Variants in RBFOX1 observed in about 807,000 individuals in gnomAD.
The protein encoded by RBFOX1 is RNA binding protein fox-1 homolog 1.
Under a neutral mutation model 57.7 loss-of-function variants are expected in RBFOX1, and 8 were observed. That is an observed-to-expected ratio of 0.14 (90% confidence interval 0.08 to 0.25). The LOEUF (loss-of-function observed/expected upper bound fraction) is 0.25. RBFOX1 is among the 10% of genes least tolerant of loss of function. The pLI is 1.00. For synonymous variants in RBFOX1, 326 were observed against 222.4 expected (o/e 1.47, Z -4.15); for missense variants, 611 against 548.5 (o/e 1.11, Z -1.14).
intron 3 of RBFOX1, among the ~76,000 whole-genome samples, chr16:5,689,632 T>A (rs2050607628): frequency 6.6e-6 from 1 of 152,158 alleles, no homozygotes; most frequent in Admixed American, 6.5e-5. Context: ...ACAAAGCATT[T>A]CTTAGGGAAT....
At chr16:6,561,016 C>T (rs540832234) in intron 2 of RBFOX1, among the ~76,000 whole-genome samples, 9 of 152,200 alleles carry the variant, frequency 5.9e-5, no homozygotes, top group East Asian at 1.9e-4. Flanking sequence ...CAACTTCAAA[C>T]GCACCCTCCA....
At chr16:7,166,484 G>C (rs2079533533) in intron 4 of RBFOX1, among the ~76,000 whole-genome samples, 1 of 152,050 alleles carries the variant, frequency 6.6e-6, no homozygotes, top group African/African-American at 2.4e-5. Context: ...GAACAGGGTG[G>C]GTAGGAAGAT....
At chr16:5,466,842 C>A (rs192399900) in intron 1 of RBFOX1, among the ~76,000 whole-genome samples, 79 of 152,290 alleles carry the variant, frequency 5.2e-4, no homozygotes, top group African/African-American at 1.6e-3. Flanking sequence ...TCTCAGTGCT[C>A]CTTGATTCCT....
intron 3 of RBFOX1, among the ~76,000 whole-genome samples, chr16:6,688,803 A>G (rs1173741483): frequency 6.6e-6 from 1 of 151,980 alleles, no homozygotes; most frequent in Non-Finnish European, 1.5e-5. Flanking sequence ...CCACCTCCCG[A>G]CAGGCCCTGG....
intron 2 of RBFOX1, among the ~76,000 whole-genome samples, chr16:5,590,127 C>G (rs1462928986): frequency 6.6e-6 from 1 of 152,106 alleles, no homozygotes; most frequent in African/African-American, 2.4e-5. Flanking sequence ...AAATTGATTT[C>G]TTTATTTTAT....
intron 2 of RBFOX1, among the ~76,000 whole-genome samples, chr16:6,458,500 T>C (rs1220686452): frequency 1.3e-5 from 2 of 152,216 alleles, no homozygotes; most frequent in African/African-American, 4.8e-5. Flanking sequence ...GCTAAATAAG[T>C]TGCTTATTAT....
intron 10 of RBFOX1, among the ~76,000 whole-genome samples, chr16:7,610,426 C>G (rs1454799359): frequency 1.3e-5 from 2 of 151,700 alleles, no homozygotes; most frequent in African/African-American, 4.8e-5. Context: ...TCGACTGTCT[C>G]CTATGATCAT....
intron 4 of RBFOX1, among the ~76,000 whole-genome samples, chr16:7,098,368 C>T (rs2062051590): frequency 6.6e-6 from 1 of 152,124 alleles, no homozygotes; most frequent in Non-Finnish European, 1.5e-5. Flanking sequence ...TGGGGTTTCG[C>T]CATTTTAGCC....
chr16:5,545,875 T>C (rs2045177145), intron 2 of RBFOX1, among the ~76,000 whole-genome samples: 1 of 152,072 alleles, frequency 6.6e-6, no homozygotes, highest in African/African-American at 2.4e-5. Flanking sequence ...AAGTAAAGGA[T>C]AAAATAGATG....
chr16:6,888,352 G>C (rs955598524), intron 3 of RBFOX1, among the ~76,000 whole-genome samples: 15 of 152,156 alleles, frequency 9.9e-5, no homozygotes, highest in African/African-American at 2.7e-4. Flanking sequence ...GAAGCTGTTT[G>C]AAAACTTTTT....
In RBFOX1 at chr16:6,005,255, A is replaced by G. The variant is rs549176564; in HGVS notation, c.351+137920A>G. Among the ~76,000 whole-genome samples, 12 of 152,324 alleles carry G rather than the reference A, an allele frequency of 7.9e-5. 1 individual carries two copies. In the South Asian group the frequency reaches 2.1e-3, roughly 26 times the overall value. On this transcript the variant is annotated intron_variant, in intron 4 of 19. Transcript: ENST00000641259. ...CCTGCAGCTGAAATTTTCTAATACAATAGCCATTTAAGGAATGATCACACC... is the reference window on the plus strand; with the variant it reads ...CCTGCAGCTGAAATTTTCTAATACAGTAGCCATTTAAGGAATGATCACACC...
At chr16:6,656,254 G>A (rs76957604) in intron 3 of RBFOX1, among the ~76,000 whole-genome samples, 1,574 of 152,258 alleles carry the variant, frequency 0.01, 43 homozygotes, top group East Asian at 0.083. Flanking sequence ...AAGGTCATTG[G>A]CATTTCTCTT....
chr16:5,557,886 C>T lies in RBFOX1; in HGVS notation c.259-41016C>T, dbSNP rs111888427. On this transcript the variant is annotated intron_variant, in intron 2 of 2. Transcript: ENST00000585867. Reference sequence around the variant, plus strand: ...AAACTCAAGACCTTAGTGGCCACACCGACAAACAGCTGAAGGTCAGAACCA... The same window carrying T: ...AAACTCAAGACCTTAGTGGCCACACTGACAAACAGCTGAAGGTCAGAACCA... Among the ~76,000 whole-genome samples, 9 of 152,286 alleles carry T rather than the reference C, an allele frequency of 5.9e-5. 1 individual carries two copies. The highest frequency in any genetic ancestry group is 1.4e-4 in the African/African-American group (6 of 41,570).
chr16:5,497,322 T>A (rs1027857571), intron 2 of RBFOX1, among the ~76,000 whole-genome samples: 1 of 152,090 alleles, frequency 6.6e-6, no homozygotes, highest in Non-Finnish European at 1.5e-5. Context: ...TGTGAAGTTC[T>A]CGGTGAATCG....
intron 10 of RBFOX1, among the ~76,000 whole-genome samples, chr16:7,615,670 G>T (rs1266453994): frequency 6.6e-6 from 1 of 152,000 alleles, no homozygotes; most frequent in Non-Finnish European, 1.5e-5. Flanking sequence ...TCTCTTAGGG[G>T]AATTTGGCAA....
At chr16:5,554,973 G>A (rs1174289576) in intron 2 of RBFOX1, among the ~76,000 whole-genome samples, 2 of 152,208 alleles carry the variant, frequency 1.3e-5, no homozygotes, top group African/African-American at 4.8e-5. Flanking sequence ...CTTGAATGGT[G>A]TTAGTCATAG....
At chr16:6,243,253 A>T (rs1264603856) in intron 1 of RBFOX1, among the ~76,000 whole-genome samples, 3 of 151,502 alleles carry the variant, frequency 2.0e-5, no homozygotes, top group African/African-American at 4.9e-5. Context: ...TTTCATTTCC[A>T]CTCTACATCT....
chr16:5,332,749 G>T (rs1017664062), intron 1 of RBFOX1, among the ~76,000 whole-genome samples: 1 of 151,070 alleles, frequency 6.6e-6, no homozygotes, highest in Non-Finnish European at 1.5e-5. Flanking sequence ...TGTAACAAGA[G>T]AAATCAAAGA....
chr16:7,550,987 A>C (rs372244024), intron 5 of RBFOX1, among the ~76,000 whole-genome samples: 2 of 150,448 alleles, frequency 1.3e-5, no homozygotes, highest in East Asian at 4.1e-4. Flanking sequence ...CCAGCTACTC[A>C]GGAGGCTGAG....
Sources: gnomAD v4.1 joint callset for allele counts (sites outside exome capture counted in the v4.1 genomes callset) on GRCh38, gnomAD v4.1.1 for gene constraint, MANE v1.5 for transcripts, NCBI Gene and HGNC (gene_info 2026-07-23, HGNC 2026-07-21) for gene names.